NEBL: variants seen among roughly 807,000 people sequenced by gnomAD.
NEBL encodes the protein LIM and SH3 protein 2.
A neutral mutation model predicts 140.2 loss-of-function variants in NEBL; 122 were observed. The ratio of observed to expected loss-of-function variants is 0.87; its 90% CI spans 0.75 to 1.01. NEBL has a LOEUF of 1.01. NEBL is among the 50% of genes least tolerant of loss of function. The pLI, the probability that NEBL is intolerant of heterozygous loss-of-function variation, is 0.00. For missense variants in NEBL, 1,365 were observed against 1,231.3 expected (o/e 1.11, Z -1.62); for synonymous variants, 436 against 398.9 (o/e 1.09, Z -1.11).
intron 2 of NEBL, among the ~76,000 whole-genome samples, chr10:21,161,103 T>C (rs1840541650): frequency 6.6e-6 from 1 of 152,216 alleles, no homozygotes; most frequent in Non-Finnish European, 1.5e-5. Flanking sequence ...TCATGTGCAT[T>C]ATCAGTCCAA....
intron 2 of NEBL, among the ~76,000 whole-genome samples, chr10:21,104,899 T>C (rs1165554247): frequency 6.6e-6 from 1 of 152,234 alleles, no homozygotes; most frequent in Non-Finnish European, 1.5e-5. Flanking sequence ...GAAGTTTCCA[T>C]CTATGCCCAG....
chr10:20,954,648 G>A (rs1433353371), intron 4 of NEBL, among the ~76,000 whole-genome samples: 4 of 152,180 alleles, frequency 2.6e-5, no homozygotes, highest in African/African-American at 9.7e-5. Flanking sequence ...CCCTGCTAGA[G>A]AGCTTCCTGC....
chr10:20,940,022 T>C (rs1258170077), intron 4 of NEBL, among the ~76,000 whole-genome samples: 1 of 150,150 alleles, frequency 6.7e-6, no homozygotes, highest in Non-Finnish European at 1.5e-5. Context: ...ATTAGACAGA[T>C]CAACGAGACA....
At chr10:20,846,337 A>G (rs1841938399) in intron 11 of NEBL, among the ~76,000 whole-genome samples, 1 of 152,194 alleles carries the variant, frequency 6.6e-6, no homozygotes, top group Non-Finnish European at 1.5e-5. Context: ...CAAAAAGAGA[A>G]GCTGTTTCCA....
chr10:21,047,203 A>G (rs1834559393), intron 2 of NEBL, among the ~76,000 whole-genome samples: 1 of 152,170 alleles, frequency 6.6e-6, no homozygotes, highest in Non-Finnish European at 1.5e-5. Context: ...CAGCTTGTTG[A>G]TTTACTCAAG....
At chr10:21,268,787 A>C (rs1842828278) in intron 1 of NEBL, among the ~76,000 whole-genome samples, 1 of 151,998 alleles carries the variant, frequency 6.6e-6, no homozygotes, top group African/African-American at 2.4e-5. Flanking sequence ...GGCCTCCCAA[A>C]GTGCTGGGAT....
In NEBL at chr10:20,850,439, G is replaced by A. The variant is rs1345751662; in HGVS notation, c.1072C>T (p.Pro358Ser). 3 of 1,612,174 alleles carry A rather than the reference G, an allele frequency of 1.9e-6. No homozygotes were observed. The highest frequency in any genetic ancestry group is 2.2e-5 in the East Asian group (1 of 44,848). ...GCCTCCTTTGAAGCTTGATATGATG[G>A]TGTCTCAACAAATTCAAGCATTGGC... ...GKPMLEFVETPSYQASKEAQK... is the reference protein window; with the variant it reads ...GKPMLEFVETSSYQASKEAQK... The change falls in exon 11 of 28, where the codon CCA becomes TCA. Residue 358 changes from proline (P) to serine (S), a missense_variant. By Grantham distance (74) the Pro-to-Ser change is moderately conservative. Coordinates refer to ENST00000377122, the MANE Select transcript of NEBL (RefSeq NM_006393.3).
chr10:21,165,510 C>A (rs1840723628), intron 2 of NEBL, among the ~76,000 whole-genome samples: 1 of 152,178 alleles, frequency 6.6e-6, no homozygotes, highest in Non-Finnish European at 1.5e-5. Flanking sequence ...TTATCCTAAA[C>A]TAGGGGCTAA....
intron 26 of NEBL, among the ~76,000 whole-genome samples, chr10:20,808,307 G>C (rs376037872): frequency 1.3e-5 from 2 of 150,532 alleles, no homozygotes; most frequent in African/African-American, 4.9e-5. Flanking sequence ...AAGACGGGGG[G>C]AAAATAACAT....
intron 13 of NEBL, among the ~76,000 whole-genome samples, chr10:20,838,995 CTT>C (rs1841153989): frequency 6.6e-6 from 1 of 152,130 alleles, no homozygotes; most frequent in African/African-American, 2.4e-5. Context: ...GTGATATTTG[CTT>C]TATTAGAGTG....
intron 4 of NEBL, among the ~76,000 whole-genome samples, chr10:20,904,692 G>A (rs980026552): frequency 1.3e-5 from 2 of 152,208 alleles, no homozygotes; most frequent in African/African-American, 2.4e-5. Flanking sequence ...CATGTAACAA[G>A]CAGAGTTAAC....
chr10:20,927,233 G>A (rs865817277), intron 4 of NEBL, among the ~76,000 whole-genome samples: 6 of 152,298 alleles, frequency 3.9e-5, no homozygotes, highest in East Asian at 1.9e-4. Flanking sequence ...GTGCTGACCC[G>A]CAGATGCCCA....
chr10:21,061,773 G>C (rs2131881195), intron 2 of NEBL, among the ~76,000 whole-genome samples: 1 of 152,254 alleles, frequency 6.6e-6, no homozygotes, highest in Middle Eastern at 3.4e-3. Flanking sequence ...GAGTGGATAA[G>C]GACTGAGCCA....
intron 3 of NEBL, among the ~76,000 whole-genome samples, chr10:21,005,101 AACAG>A (rs1430290286): frequency 2.0e-5 from 3 of 152,156 alleles, no homozygotes; most frequent in African/African-American, 7.2e-5. Flanking sequence ...CAACCAAATA[AACAG>A]ACAAATACCA....
At chr10:21,165,212 A>C (rs1840710907) in intron 2 of NEBL, among the ~76,000 whole-genome samples, 1 of 152,240 alleles carries the variant, frequency 6.6e-6, no homozygotes, top group South Asian at 2.1e-4. Flanking sequence ...ATTACAATTT[A>C]ACCCAGAAGG....
At chr10:21,180,015 T>C (rs2132203769) in intron 3 of NEBL, among the ~76,000 whole-genome samples, 1 of 152,150 alleles carries the variant, frequency 6.6e-6, no homozygotes, top group South Asian at 2.1e-4. Flanking sequence ...TATGCACTTG[T>C]AATCCTAGAT....
chr10:21,070,662 A>G (rs1835777394), intron 2 of NEBL, among the ~76,000 whole-genome samples: 2 of 152,190 alleles, frequency 1.3e-5, no homozygotes, highest in African/African-American at 4.8e-5. Context: ...TAAATCTTCT[A>G]TGTTATTTAC....
intron 2 of NEBL, among the ~76,000 whole-genome samples, chr10:21,039,073 T>G (rs985453309): frequency 3.1e-4 from 45 of 147,196 alleles, no homozygotes; most frequent in Non-Finnish European, 3.4e-4. Flanking sequence ...TTTTTTTTTT[T>G]TTTTTTTTTT....
intron 2 of NEBL, among the ~76,000 whole-genome samples, chr10:21,032,184 A>T (rs546748255): frequency 6.6e-6 from 1 of 152,338 alleles, no homozygotes; most frequent in African/African-American, 2.4e-5. Context: ...ATATTTCCAC[A>T]GATTTCCCAT....
Sources: gnomAD v4.1 joint callset for allele counts (sites outside exome capture counted in the v4.1 genomes callset) on GRCh38, gnomAD v4.1.1 for gene constraint, MANE v1.5 for transcripts, NCBI Gene and HGNC (gene_info 2026-07-23, HGNC 2026-07-21) for gene names.